Variants in OTUD7A observed in about 807,000 individuals in gnomAD.
OTUD7A encodes OTU deubiquitinase 7A, also known as OTU domain-containing protein 7A.
A neutral mutation model predicts 65.7 loss-of-function variants in OTUD7A; 12 were observed. The observed-to-expected ratio is 0.18, with a 90% CI of 0.12 to 0.30. OTUD7A has a LOEUF of 0.30. OTUD7A is among the 10% of genes least tolerant of loss of function. OTUD7A has a pLI of 1.00. For missense variants in OTUD7A, 1,148 were observed against 1,304.8 expected, an observed-to-expected ratio of 0.88 and a Z score of 1.85; for synonymous variants, 641 against 586.3, an observed-to-expected ratio of 1.09 and a Z score of -1.35.
intron 2 of OTUD7A, 98 bp from the exon 3 acceptor site, chr15:31,655,348 G>C: frequency 1.7e-6 from 1 of 587,314 alleles, no homozygotes; most frequent in Non-Finnish European, 2.9e-6. Context: ...ACCCTCGAGG[G>C]TGGAGCCATT....
chr15:31,493,244 T>A (rs954722386), intron 10 of OTUD7A, among the ~76,000 whole-genome samples: 1 of 152,066 alleles, frequency 6.6e-6, no homozygotes, highest in African/African-American at 2.4e-5. Context: ...AGTAGCCATA[T>A]TTATGTCAAA....
At chr15:31,743,425 A>G (rs145205357) in intron 1 of OTUD7A, among the ~76,000 whole-genome samples, 97 of 152,354 alleles carry the variant, frequency 6.4e-4, no homozygotes, top group Non-Finnish European at 1.1e-3. Flanking sequence ...ATAAAAACAT[A>G]TAATTTTGGT....
intron 1 of OTUD7A, among the ~76,000 whole-genome samples, chr15:31,746,505 ATAT>A (rs1321464132): frequency 2.8e-5 from 2 of 70,886 alleles, no homozygotes; most frequent in Admixed American, 2.4e-4. Context: ...TAGTTTTTAC[ATAT>A]TTTTTTTTTT....
At chr15:31,802,087 ATATGTGTGTG>A (rs1005908362) in intron 1 of OTUD7A, among the ~76,000 whole-genome samples, 29 of 137,934 alleles carry the variant, frequency 2.1e-4, no homozygotes, top group African/African-American at 7.7e-4. Flanking sequence ...AATGGAATAT[ATATGTGTGTG>A]TATATATGTG....
intron 8 of OTUD7A, among the ~76,000 whole-genome samples, chr15:31,505,789 G>A (rs978464519): frequency 2.0e-5 from 3 of 149,844 alleles, no homozygotes; most frequent in African/African-American, 7.4e-5. Flanking sequence ...TCACTCTGTC[G>A]CCCAGGCTGG....
chr15:31,581,675 T>C (rs1352699159), intron 3 of OTUD7A, among the ~76,000 whole-genome samples: 1 of 152,158 alleles, frequency 6.6e-6, no homozygotes, highest in East Asian at 1.9e-4. Flanking sequence ...TTTTTAGCCA[T>C]GGCTGGGATT....
chr15:31,734,709 A>G (rs1894138759), intron 1 of OTUD7A, among the ~76,000 whole-genome samples: 1 of 151,922 alleles, frequency 6.6e-6, no homozygotes, highest in African/African-American at 2.4e-5. Context: ...CATGTATGGA[A>G]GATTGAAACT....
intron 8 of OTUD7A, among the ~76,000 whole-genome samples, chr15:31,516,219 G>T (rs2041852496): frequency 6.6e-6 from 1 of 152,228 alleles, no homozygotes; most frequent in South Asian, 2.1e-4. Flanking sequence ...TACTGGCATG[G>T]CATTCTTTTC....
intron 1 of OTUD7A, among the ~76,000 whole-genome samples, chr15:31,853,607 G>A (rs1355617133): frequency 1.3e-5 from 2 of 151,746 alleles, no homozygotes; most frequent in African/African-American, 2.4e-5. Context: ...TGGCCACTGA[G>A]CAGGCCTCAG....
chr15:31,782,955 A>C (rs1012799084), intron 1 of OTUD7A, among the ~76,000 whole-genome samples: 7 of 152,106 alleles, frequency 4.6e-5, no homozygotes, highest in African/African-American at 1.4e-4. Context: ...CCTGCACAAA[A>C]CTGGTATTTA....
chr15:31,567,367 C>A (rs2141168760), intron 4 of OTUD7A, among the ~76,000 whole-genome samples: 1 of 152,290 alleles, frequency 6.6e-6, no homozygotes, highest in East Asian at 1.9e-4. Flanking sequence ...TTATAAGCAG[C>A]AAAGTATTCA....
intron 3 of OTUD7A, among the ~76,000 whole-genome samples, chr15:31,637,079 G>T (rs533807612): frequency 1.7e-4 from 26 of 152,298 alleles, no homozygotes; most frequent in African/African-American, 5.5e-4. Context: ...GCTGATTAAG[G>T]TGGCTACACT....
At chr15:31,789,753 T>C (rs1247434102) in intron 1 of OTUD7A, among the ~76,000 whole-genome samples, 1 of 146,616 alleles carries the variant, frequency 6.8e-6, no homozygotes, top group Non-Finnish European at 1.5e-5. Flanking sequence ...TCGTCCAGGC[T>C]AGAGTGCAAT....
At position 31,487,996 on chromosome 15, in the gene OTUD7A, G is replaced by A. The variant is rs538774203; in HGVS notation, c.1172-430C>T. 1.1e-4 allele frequency among the ~76,000 whole-genome samples: 16 copies of A among 152,308 alleles called. No homozygotes were observed. The South Asian group carries it at 3.3e-3, about 32-fold the overall frequency. On this transcript the variant is annotated intron_variant, in intron 10 of 12. Transcript: ENST00000307050. The surrounding 1 kb of genome is among the most constrained non-coding windows in gnomAD (Gnocchi z 6.0). ...TGCAAGTCAGGTGAGCAAGGGTGTTGCTGACCTCTACTGGTTTGTAATTTT... is the reference window on the plus strand; with the variant it reads ...TGCAAGTCAGGTGAGCAAGGGTGTTACTGACCTCTACTGGTTTGTAATTTT...
chr15:31,684,617 C>T (rs1400613049), intron 1 of OTUD7A, among the ~76,000 whole-genome samples: 2 of 144,406 alleles, frequency 1.4e-5, no homozygotes, highest in African/African-American at 4.9e-5. Context: ...GGTTGTTGAA[C>T]TAAGAAGCTC....
At chr15:31,747,896 G>A (rs1894522523) in intron 1 of OTUD7A, among the ~76,000 whole-genome samples, 1 of 152,116 alleles carries the variant, frequency 6.6e-6, no homozygotes, top group Non-Finnish European at 1.5e-5. Context: ...TGGCACTGCT[G>A]GCAAAAATCC....
At chr15:31,811,520 A>C (rs1335008647) in intron 1 of OTUD7A, among the ~76,000 whole-genome samples, 1 of 151,824 alleles carries the variant, frequency 6.6e-6, no homozygotes, top group Non-Finnish European at 1.5e-5. Context: ...TATGTGTATG[A>C]CATCTGTGGG....
At chr15:31,711,250 A>C (rs1893438414) in intron 1 of OTUD7A, among the ~76,000 whole-genome samples, 2 of 152,074 alleles carry the variant, frequency 1.3e-5, no homozygotes, top group South Asian at 4.1e-4. Context: ...GAATCCTATC[A>C]CTTAAAGGCT....
At chr15:31,546,868 T>C (rs1393518058) in intron 5 of OTUD7A, among the ~76,000 whole-genome samples, 1 of 152,218 alleles carries the variant, frequency 6.6e-6, no homozygotes, top group Admixed American at 6.5e-5. Context: ...AATCCAGAAC[T>C]TAACCCATTC....
Sources: allele counts gnomAD v4.1 joint callset (sites outside exome capture counted in the v4.1 genomes callset), GRCh38; gene constraint gnomAD v4.1.1; non-coding constraint Gnocchi (gnomAD v3.1); transcripts MANE v1.5; gene names NCBI Gene and HGNC (gene_info 2026-07-23, HGNC 2026-07-21).